The following ESPL1 variants were observed in gnomAD, a reference collection of about 807,000 sequenced individuals.
ESPL1 encodes separin.
A neutral mutation model predicts 217.2 loss-of-function variants in ESPL1; 50 were observed. The ratio of observed to expected loss-of-function variants is 0.23; its 90% CI spans 0.18 to 0.29. ESPL1 has a LOEUF of 0.29. Among genes scored for constraint, ESPL1 ranks in the 10% least tolerant of loss-of-function variants. The pLI is 1.00. For missense variants in ESPL1, 1,834 were observed against 2,603.0 expected (o/e 0.70, Z 6.43); for synonymous variants, 994 against 1,081.3 (o/e 0.92, Z 1.58).
Position 53,272,712 on chromosome 12 carries a change from C to T in ESPL1, c.1370-9C>T, listed in dbSNP as rs1943696623. The T allele has an allele frequency of 1.9e-6, 3 of 1,612,762 alleles. No individual in the cohort carries two copies. Among genetic ancestry groups the T allele is most frequent in the African/African-American group, 1.3e-5 (1 of 75,000 alleles). ...TCCTATGGTCAATTGTGCCTTTTCT[C>T]CCCTGCAGCTTCTTACACCAGTAAT... On this transcript the variant is annotated splice_polypyrimidine_tract_variant and intron_variant, in intron 5 of 30. Transcript: ENST00000257934.
intron 1 of ESPL1, 63 bp from the exon 2 acceptor site, chr12:53,268,692 C>A: frequency 1.0e-6 from 1 of 997,514 alleles, no homozygotes; most frequent in South Asian, 1.4e-5. Flanking sequence ...GACCTTCAGC[C>A]CTCTTCCCTT....
intron 10 of ESPL1, 97 bp downstream of exon 10, chr12:53,277,705 G>C (rs550485183): frequency 1.9e-6 from 3 of 1,570,540 alleles, no homozygotes; most frequent in African/African-American, 2.7e-5. Flanking sequence ...TGTAGGGTAG[G>C]AGGTTGTGGA....
In ESPL1 at chr12:53,286,141, C is replaced by T. The variant is rs1242061381; in HGVS notation, c.3405C>T (p.Pro1135=). The change falls in exon 18 of 31, where the codon CCC becomes CCT. Residue 1135 remains proline (P), a synonymous_variant. Coordinates refer to ENST00000257934, the MANE Select transcript of ESPL1 (RefSeq NM_012291.5). The surrounding 1 kb of genome is among the most constrained non-coding windows in gnomAD (Gnocchi z 5.3). The part of the protein sequence containing the change: ...SSPVLKTKPQ[P]IPNFLSHSPT... ...CAGTCTTGAAAACCAAGCCCCAGCCCATACCCAACTTCCTGTCCCATTCAC... is the reference window on the plus strand; with the variant it reads ...CAGTCTTGAAAACCAAGCCCCAGCCTATACCCAACTTCCTGTCCCATTCAC... 3 of 1,614,140 alleles carry T rather than the reference C, an allele frequency of 1.9e-6. No individual in the cohort carries two copies. Among genetic ancestry groups the T allele is most frequent in the African/African-American group, 2.7e-5 (2 of 74,952 alleles).
chr12:53,293,218 C>T lies in ESPL1; in HGVS notation c.6162-55C>T. ...CACCCCCACCACCAATGGTGTTTTC[C>T]TATGTATTCTGTTTTAGAGCCCTTA... On this transcript the variant is annotated intron_variant, in intron 30 of 30. Transcript: ENST00000257934. The surrounding 1 kb of genome is among the most constrained non-coding windows in gnomAD (Gnocchi z 4.2). 1 of 1,446,138 alleles carries T rather than the reference C, an allele frequency of 6.9e-7. No individual in the cohort carries two copies. The highest frequency in any genetic ancestry group is 9.7e-7 in the Non-Finnish European group (1 of 1,027,858). The allele number at this position is 1,446,138 out of a possible 1,614,324, so 89.6% of individuals were successfully genotyped here. A position where few individuals can be genotyped will look rare whatever the true frequency, so the allele number is the denominator to read the frequency against.
Position 53,269,382 on chromosome 12 carries a change from G to C in ESPL1, c.440G>C (p.Ser147Thr). The C allele has an allele frequency of 1.2e-6, 2 of 1,613,962 alleles. No homozygotes were observed. The highest frequency in any genetic ancestry group is 2.2e-5 in the South Asian group (2 of 91,088). Residue 147 changes from serine (S) to threonine (T), a missense_variant, in exon 3 of 31, where the codon AGC becomes ACC. Physicochemically the swap from Ser to Thr is moderately conservative, Grantham distance 58. Coordinates refer to ENST00000257934, the MANE Select transcript of ESPL1 (RefSeq NM_012291.5). The surrounding 1 kb of genome is among the most constrained non-coding windows in gnomAD (Gnocchi z 6.7). ...PQDYEAVARG[S>T]FSLLWKGAEA... ...GACTATGAGGCCGTGGCTCGGGGCAGCTTTTCTCTGCTTTGGAAGGGGGCA... is the reference window on the plus strand; with the variant it reads ...GACTATGAGGCCGTGGCTCGGGGCACCTTTTCTCTGCTTTGGAAGGGGGCA...
At chr12:53,270,959 A>T (rs1476239034) in intron 5 of ESPL1, among the ~76,000 whole-genome samples, 161 bp downstream of exon 5, 1 of 152,166 alleles carries the variant, frequency 6.6e-6, no homozygotes, top group Non-Finnish European at 1.5e-5. Context: ...TCTGTGTTTA[A>T]CACCAGTAGA....
At chr12:53,280,037 C>T (rs1002254572) in intron 12 of ESPL1, among the ~76,000 whole-genome samples, 171 bp downstream of exon 12, 1 of 152,168 alleles carries the variant, frequency 6.6e-6, no homozygotes, top group Non-Finnish European at 1.5e-5. Context: ...GAAGGGGAGT[C>T]ATCTTTGTCC....
rs1251236654 is a variant in ESPL1, at chr12:53,282,401, C to T, written c.2757C>T (p.Leu919=). 3.1e-6 allele frequency: 5 copies of T among 1,614,086 alleles called. No individual in the cohort carries two copies. In the African/African-American group the frequency reaches 6.7e-5, roughly 22 times the overall value. The change falls in exon 14 of 31, where the codon CTC becomes CTT. Residue 919 remains leucine (L), a synonymous_variant. Transcript: ENST00000257934. The surrounding 1 kb of genome is among the most constrained non-coding windows in gnomAD (Gnocchi z 4.0). ...AAYLSLPSNN[L]SHSLWEQLCA... ...ACCTTAGCCTCCCGTCAAACAACCTCTCACACTCCCTGTGGGAGCAGCTCT... is the reference window on the plus strand; with the variant it reads ...ACCTTAGCCTCCCGTCAAACAACCTTTCACACTCCCTGTGGGAGCAGCTCT...
rs1057374740 is a variant in ESPL1, at chr12:53,286,562, A to G, written c.3826A>G (p.Lys1276Glu). 1 of 1,614,150 alleles carries G rather than the reference A, an allele frequency of 6.2e-7. No individual in the cohort carries two copies. The highest frequency in any genetic ancestry group is 8.5e-7 in the Non-Finnish European group (1 of 1,180,020). Residue 1276 changes from lysine to glutamate, a missense_variant, in exon 18 of 31, where the codon AAA becomes GAA. Physicochemically the swap from Lys to Glu is moderately conservative, Grantham distance 56. Transcript: ENST00000257934. This position sits in a 1 kb window ranked among gnomAD's most constrained non-coding sequence, Gnocchi z 5.3. ...ASLLLIWALT[K>E]LGGLSCCTTQ... ...CCTGCTCTTGATTTGGGCCCTCACA[A>G]AACTAGGTGGCCTCAGCTGCTGTAC...
chr12:53,277,596 G>C lies in ESPL1; in HGVS notation c.2212G>C (p.Ala738Pro), dbSNP rs1385117239. 1 of 1,614,148 alleles carries C rather than the reference G, an allele frequency of 6.2e-7. No homozygotes were observed. The highest frequency in any genetic ancestry group is 1.1e-5 in the South Asian group (1 of 91,076). ...FLYSNIAFNL[A>P]ADAAQSKCLD... is the part of the protein sequence containing the mutation. ...ATACAGTAACATTGCCTTCAACCTG[G>C]CTGCAGATGCTGGTGAGGGGTAAAT... The change falls in exon 10 of 31, where the codon GCT (alanine) becomes CCT (proline). Residue 738 changes from alanine to proline, a missense_variant. Coordinates refer to ENST00000257934, the MANE Select transcript of ESPL1 (RefSeq NM_012291.5).
intron 6 of ESPL1, among the ~76,000 whole-genome samples, chr12:53,273,845 T>TGG (rs1565753044): frequency 2.7e-4 from 28 of 103,952 alleles, no homozygotes; most frequent in African/African-American, 9.8e-4. Flanking sequence ...GGTTTTTTTT[T>TGG]TTTTTTTTTT....
rs756074834 is a variant in ESPL1 at position 53,286,365 on chromosome 12, C to T, written c.3629C>T (p.Thr1210Ile). 2 of 1,614,246 alleles carry T rather than the reference C, an allele frequency of 1.2e-6. No homozygotes were observed. Among genetic ancestry groups the T allele is most frequent in the East Asian group, 2.2e-5 (1 of 44,882 alleles). ...QALQASLNHK[T>I]PPSLVPSLLD... is the part of the protein sequence containing the mutation. ...CTCCAAGCTTCCCTGAATCATAAAACACCCCCCTCCTTGGTTCCAAGCCTC... is the reference window on the plus strand; with the variant it reads ...CTCCAAGCTTCCCTGAATCATAAAATACCCCCCTCCTTGGTTCCAAGCCTC... Residue 1210 changes from threonine (T) to isoleucine (I), a missense_variant, in exon 18 of 31, where the codon ACA (threonine) becomes ATA (isoleucine). By Grantham distance (89) the Thr-to-Ile change is moderately conservative (BLOSUM62 -1). This residue lies in a region of ESPL1 where 681 missense variants were observed against 808.0 expected (regional missense o/e 0.84). Transcript: ENST00000257934. The surrounding 1 kb of genome is among the most constrained non-coding windows in gnomAD (Gnocchi z 5.3).
chr12:53,277,872 C>T lies in ESPL1; in HGVS notation c.2276C>T (p.Thr759Ile), dbSNP rs1004139204. 3.1e-6 allele frequency: 5 copies of T among 1,614,088 alleles called. No homozygotes were observed. Among genetic ancestry groups the T allele is most frequent in the Non-Finnish European group, 4.2e-6 (5 of 1,180,052 alleles). ...CTGGCCCTGTGGAAGGAGCTGCTTA[C>T]AAAGGGGCAGGCCCCAGCTGTACGG... is the stretch of plus-strand genomic sequence containing the variant. Reference protein sequence around the residue: ...QALALWKELLTKGQAPAVRCL... With the variant: ...QALALWKELLIKGQAPAVRCL... The change falls in exon 11 of 31, where the codon ACA becomes ATA. Residue 759 changes from threonine (T) to isoleucine (I), a missense_variant. Coordinates refer to ENST00000257934, the MANE Select transcript of ESPL1 (RefSeq NM_012291.5).
chr12:53,276,986 C>T, intron 8 of ESPL1, 97 bp from the exon 9 acceptor site: 1 of 1,557,600 alleles, frequency 6.4e-7, no homozygotes. Context: ...GGAGCACATG[C>T]AAAGGGCGAG....
chr12:53,274,415 G>A, intron 6 of ESPL1: 1 of 176,760 alleles, frequency 5.7e-6, no homozygotes, highest in Non-Finnish European at 1.2e-5. Flanking sequence ...TGAAGCAGCT[G>A]CACGAGGGAT....
At chr12:53,274,738 C>T in intron 6 of ESPL1, 79 bp from the exon 7 acceptor site, 1 of 1,199,994 alleles carries the variant, frequency 8.3e-7, no homozygotes, top group Non-Finnish European at 1.2e-6. Context: ...GTGTATGTAC[C>T]TATTGCATGC....
intron 24 of ESPL1, 124 bp downstream of exon 24, chr12:53,290,593 C>A: frequency 1.5e-5 from 12 of 825,464 alleles, no homozygotes; most frequent in South Asian, 8.8e-5. Context: ...GAAGTGTAGA[C>A]CTAAATTTAA....
At chr12:53,291,588 C>T in intron 25 of ESPL1, 102 bp from the exon 26 acceptor site, 1 of 1,129,766 alleles carries the variant, frequency 8.9e-7, no homozygotes, top group Non-Finnish European at 1.2e-6. Context: ...AAGACTCTGT[C>T]AAAAAAAAAA....
intron 24 of ESPL1, 151 bp from the exon 25 acceptor site, chr12:53,290,690 A>T: frequency 2.8e-4 from 1 of 3,610 alleles, no homozygotes; most frequent in Non-Finnish European, 6.4e-4. Flanking sequence ...AAAAAAAACG[A>T]CTTAAACCCA....
Sources: allele counts gnomAD v4.1 joint callset (sites outside exome capture counted in the v4.1 genomes callset), GRCh38; gene constraint gnomAD v4.1.1; regional missense constraint gnomAD v4.1.1; non-coding constraint Gnocchi (gnomAD v3.1); transcripts MANE v1.5; gene names NCBI Gene and HGNC (gene_info 2026-07-23, HGNC 2026-07-21).